The following TMPRSS11D variants were observed in gnomAD, a reference collection of about 807,000 sequenced individuals.
The protein encoded by TMPRSS11D is transmembrane protease serine 11D.
In TMPRSS11D, 32 loss-of-function variants were observed where a neutral mutation model predicts 44.4. The observed-to-expected ratio is 0.72, with a 90% confidence interval of 0.54 to 0.97. The LOEUF is 0.97. Ranked by LOEUF, TMPRSS11D falls within the 50% of genes least tolerant of loss-of-function variation. The pLI is 0.00. For synonymous variants in TMPRSS11D, 179 were observed against 177.9 expected, an observed-to-expected ratio of 1.01 and a Z score of -0.05; for missense variants, 446 against 502.6, an observed-to-expected ratio of 0.89 and a Z score of 1.08.
intron 1 of TMPRSS11D, among the ~76,000 whole-genome samples, chr4:67,881,827 G>A (rs551825865): frequency 1.3e-5 from 2 of 152,310 alleles, no homozygotes; most frequent in Non-Finnish European, 2.9e-5. Flanking sequence ...GATTTGTTTG[G>A]TAGGAGGAGT....
chr4:67,875,091 G>T (rs751286673), intron 1 of TMPRSS11D, among the ~76,000 whole-genome samples: 2 of 152,124 alleles, frequency 1.3e-5, no homozygotes, highest in African/African-American at 2.4e-5. Flanking sequence ...ACACAGGAAA[G>T]AATCAAGCTT....
rs773446170 is a variant in TMPRSS11D at position 67,859,524 on chromosome 4, A to C, written c.130+33T>G. On this transcript the variant is annotated intron_variant, in intron 2 of 9. Coordinates refer to ENST00000283916, the MANE Select transcript of TMPRSS11D (RefSeq NM_004262.3). The stretch of plus-strand genomic sequence containing the variant: ...AAATCTGAAATTGTATGTAGCTATT[A>C]AATCTGAAGAGTAATAATGTTCTGG... 1.9e-6 allele frequency: 3 copies of C among 1,601,134 alleles called. No homozygotes were observed. In the Admixed American group the frequency reaches 5.1e-5, roughly 27 times the overall value.
chr4:67,852,200 G>A (rs1444769216), intron 3 of TMPRSS11D, among the ~76,000 whole-genome samples: 1 of 152,166 alleles, frequency 6.6e-6, no homozygotes, highest in Admixed American at 6.5e-5. Flanking sequence ...AAACTAACCT[G>A]TGATACTTGG....
rs2109652541 is a variant in TMPRSS11D at position 67,822,325 on chromosome 4, G to A, written c.*12C>T. ...TGCATACAGACTTTGCAACAGGGAT[G>A]CACTTGTTGCACTAGATCCCAGTTT... On this transcript the variant is annotated 3_prime_UTR_variant, in exon 10 of 10. Transcript: ENST00000283916. 4.3e-6 allele frequency: 7 copies of A among 1,613,142 alleles called. No homozygotes were observed. Among genetic ancestry groups the A allele is most frequent in the Middle Eastern group, 1.7e-4 (1 of 6,056 alleles).
chr4:67,852,509 T>C (rs1454415804), intron 3 of TMPRSS11D, among the ~76,000 whole-genome samples: 1 of 152,196 alleles, frequency 6.6e-6, no homozygotes, highest in African/African-American at 2.4e-5. Context: ...TAATGTTCAG[T>C]GAGAACCATC....
chr4:67,826,950 C>A (rs1054971602), intron 8 of TMPRSS11D, among the ~76,000 whole-genome samples: 2 of 151,988 alleles, frequency 1.3e-5, no homozygotes, highest in African/African-American at 4.8e-5. Flanking sequence ...CAAACAAAAT[C>A]TTTTTTATTG....
chr4:67,868,518 C>G (rs1228216454), intron 1 of TMPRSS11D, among the ~76,000 whole-genome samples: 1 of 152,104 alleles, frequency 6.6e-6, no homozygotes, highest in Non-Finnish European at 1.5e-5. Context: ...GTGAGCTATG[C>G]CTTGAAAGAC....
intron 3 of TMPRSS11D, among the ~76,000 whole-genome samples, chr4:67,849,891 C>T (rs1157766): frequency 0.028 from 4,237 of 152,180 alleles, 196 homozygotes; most frequent in African/African-American, 0.096. Flanking sequence ...GCCTTTGATG[C>T]GTTTCTTAAT....
chr4:67,822,836 G>C (rs1717682897), intron 9 of TMPRSS11D, among the ~76,000 whole-genome samples: 1 of 152,076 alleles, frequency 6.6e-6, no homozygotes, highest in Non-Finnish European at 1.5e-5. Context: ...TTCCAGCTTT[G>C]GGCTCAATTG....
intron 9 of TMPRSS11D, among the ~76,000 whole-genome samples, chr4:67,825,142 C>T (rs945192984): frequency 2.0e-5 from 3 of 151,854 alleles, no homozygotes; most frequent in Non-Finnish European, 2.9e-5. Context: ...ACTCAAATTA[C>T]TAGGATTTTG....
At chr4:67,865,393 T>C (rs1019197450) in intron 1 of TMPRSS11D, among the ~76,000 whole-genome samples, 1 of 151,480 alleles carries the variant, frequency 6.6e-6, no homozygotes, top group African/African-American at 2.4e-5. Flanking sequence ...TTTTATATCA[T>C]TAAATCCCAA....
chr4:67,878,448 C>A (rs1719245615), intron 1 of TMPRSS11D, among the ~76,000 whole-genome samples: 1 of 152,136 alleles, frequency 6.6e-6, no homozygotes, highest in African/African-American at 2.4e-5. Context: ...TTAAACTTTT[C>A]TTCATAGCAC....
Position 67,883,996 on chromosome 4 carries a change from A to C in TMPRSS11D, c.-63T>G. 1.2e-5 allele frequency: 18 copies of C among 1,467,830 alleles called. No individual in the cohort carries two copies. Among genetic ancestry groups the C allele is most frequent in the Non-Finnish European group, 1.7e-5 (18 of 1,062,588 alleles). The allele number at this position is 1,467,830 out of a possible 1,614,324, so 90.9% of individuals were successfully genotyped here. Reference sequence around the variant, plus strand: ...TCAACTGCTTTGAGATTCCCACTCAAATGAATGACTCTCATGTATTACGTG... The same window carrying C: ...TCAACTGCTTTGAGATTCCCACTCACATGAATGACTCTCATGTATTACGTG... On this transcript the variant is annotated 5_prime_UTR_variant, in exon 1 of 10. In the 5' UTR this introduces an upstream ATG that the reference lacks. Transcript: ENST00000283916.
chr4:67,856,739 A>G (rs1023271373), intron 2 of TMPRSS11D, among the ~76,000 whole-genome samples: 2 of 152,190 alleles, frequency 1.3e-5, no homozygotes, highest in African/African-American at 2.4e-5. Flanking sequence ...TTCATCTGAC[A>G]AGAGACTAAT....
At chr4:67,825,444 T>C (rs1717767814) in intron 9 of TMPRSS11D, among the ~76,000 whole-genome samples, 1 of 49,862 alleles carries the variant, frequency 2.0e-5, no homozygotes, top group African/African-American at 4.6e-5. Context: ...CCCCAGCTTT[T>C]AGTTAGAGAC....
chr4:67,828,957 G>T (rs1489687856), intron 7 of TMPRSS11D, among the ~76,000 whole-genome samples: 1 of 152,026 alleles, frequency 6.6e-6, no homozygotes, highest in Non-Finnish European at 1.5e-5. Context: ...AGTAGAAAAA[G>T]TGTCCAGGAA....
intron 3 of TMPRSS11D, among the ~76,000 whole-genome samples, chr4:67,850,145 A>G (rs550596429): frequency 2.0e-5 from 3 of 152,302 alleles, no homozygotes; most frequent in African/African-American, 7.2e-5. Context: ...TTACAGAAAG[A>G]GATTAGAGTA....
chr4:67,875,674 G>A (rs1477133881), intron 1 of TMPRSS11D, among the ~76,000 whole-genome samples: 2 of 152,244 alleles, frequency 1.3e-5, no homozygotes, highest in South Asian at 2.1e-4. Context: ...TATTTGCTGT[G>A]TGAACCTGGG....
rs1235728419 is a variant in TMPRSS11D, at chr4:67,821,022, C to G, written c.*1315G>C. 6.6e-6 allele frequency: 1 copy of G among 152,170 alleles called. No individual in the cohort carries two copies. The highest frequency in any genetic ancestry group is 1.5e-5 in the Non-Finnish European group (1 of 68,028). The allele number at this position is 152,170 out of a possible 1,614,324, so 9.4% of individuals were successfully genotyped here. A position where few individuals can be genotyped will look rare whatever the true frequency, so the allele number is the denominator to read the frequency against. On this transcript the variant is annotated 3_prime_UTR_variant, in exon 10 of 10. Transcript: ENST00000283916. ...TTGCACAATTTTACATCAGGAAATACAAGAAGTTTTCAGCAAATGTATGGA... is the reference window on the plus strand; with the variant it reads ...TTGCACAATTTTACATCAGGAAATAGAAGAAGTTTTCAGCAAATGTATGGA...
Sources: gnomAD v4.1 joint callset for allele counts (sites outside exome capture counted in the v4.1 genomes callset) on GRCh38, gnomAD v4.1.1 for gene constraint, MANE v1.5 for transcripts, NCBI Gene and HGNC (gene_info 2026-07-23, HGNC 2026-07-21) for gene names.